SCTR: variants seen among roughly 807,000 people sequenced by gnomAD.
SCTR encodes the protein secretin receptor.
In SCTR, 56 loss-of-function variants were observed where a neutral mutation model predicts 60.8. That is an observed-to-expected ratio of 0.92 (90% CI 0.74 to 1.15). The LOEUF is 1.15. Among genes scored for constraint, SCTR ranks in the 50% most tolerant of loss-of-function variants. SCTR has a pLI of 0.00. For missense variants in SCTR, 562 were observed against 550.4 expected (o/e 1.02, Z -0.21); for synonymous variants, 202 against 217.0 (o/e 0.93, Z 0.61).
At position 119,450,040 on chromosome 2, in the gene SCTR, G is replaced by GAAGAAAGAAAA. The variant is rs1182986974; in HGVS notation, c.922-1271_922-1261dup. Among the ~76,000 whole-genome samples the GAAGAAAGAAAA allele has an allele frequency of 1.3e-3, 173 of 138,020 alleles. 1 individual carries two copies. The highest frequency in any genetic ancestry group is 2.0e-3 in the Non-Finnish European group (130 of 65,266). 90.5% of individuals were successfully genotyped at this position (138,020 alleles called of 152,430 possible). The stretch of plus-strand genomic sequence containing the variant: ...GGAAGGAAGGCAGGAAGGAAGGAAG[G>GAAGAAAGAAAA]AAGAAAGAAAAAAGAAAGAAAAAGA... On this transcript the variant is annotated intron_variant, in intron 9 of 12. Transcript: ENST00000019103.
intron 4 of SCTR, among the ~76,000 whole-genome samples, chr2:119,470,700 G>T (rs1466124436): frequency 1.3e-5 from 2 of 151,810 alleles, no homozygotes; most frequent in African/African-American, 2.4e-5. Flanking sequence ...TCATTGTGTG[G>T]ATGTTTTTTC....
intron 1 of SCTR, among the ~76,000 whole-genome samples, chr2:119,520,434 G>C (rs1393749350): frequency 1.3e-5 from 2 of 152,204 alleles, no homozygotes; most frequent in Non-Finnish European, 2.9e-5. Context: ...GGAAGTTCAA[G>C]GCTGCAGTGA....
At chr2:119,488,092 T>G (rs891856713) in intron 2 of SCTR, among the ~76,000 whole-genome samples, 1 of 152,254 alleles carries the variant, frequency 6.6e-6, no homozygotes, top group African/African-American at 2.4e-5. Context: ...GGGGCAGATC[T>G]GAAGACTTTT....
chr2:119,442,295 G>A (rs1048736501), intron 11 of SCTR, among the ~76,000 whole-genome samples: 2 of 152,212 alleles, frequency 1.3e-5, no homozygotes, highest in African/African-American at 2.4e-5. Flanking sequence ...CTCCAGGCTG[G>A]GGCGCCTGCT....
intron 2 of SCTR, 140 bp downstream of exon 2, chr2:119,494,288 C>A: frequency 1.1e-6 from 1 of 907,694 alleles, no homozygotes; most frequent in Middle Eastern, 3.5e-4. Flanking sequence ...CAGCCCTGCC[C>A]CACCAGCTGA....
chr2:119,512,088 A>G (rs1678964344), intron 1 of SCTR, among the ~76,000 whole-genome samples: 1 of 152,122 alleles, frequency 6.6e-6, no homozygotes, highest in Admixed American at 6.5e-5. Flanking sequence ...TATTGATTGG[A>G]TACTCAGTCA....
chr2:119,508,144 T>G (rs1678810981), intron 1 of SCTR, among the ~76,000 whole-genome samples: 1 of 152,186 alleles, frequency 6.6e-6, no homozygotes, highest in African/African-American at 2.4e-5. Flanking sequence ...AAAACACATG[T>G]GCAAATTCTG....
chr2:119,442,828 A>G (rs1480279869), intron 11 of SCTR, among the ~76,000 whole-genome samples: 1 of 152,168 alleles, frequency 6.6e-6, no homozygotes, highest in Non-Finnish European at 1.5e-5. Flanking sequence ...AACGGGCATC[A>G]TGGTCCGGGA....
At position 119,523,392 on chromosome 2, in the gene SCTR, CTATTATTATTAT is replaced by C. The variant is rs70947300; in HGVS notation, c.72+751_72+762del. ...GAAAAACAAACCACCCATCCTGCCG[CTATTATTATTAT>C]TATTATTATTATTATTATTATTATT... On this transcript the variant is annotated intron_variant, in intron 1 of 12. Transcript: ENST00000019103. Among the ~76,000 whole-genome samples the C allele has an allele frequency of 4.7e-3, 636 of 134,248 alleles. 3 individuals are homozygous for C. Among genetic ancestry groups the C allele is most frequent in the Admixed American group, 8.6e-3 (114 of 13,220 alleles). 88.1% of individuals were successfully genotyped at this position (134,248 alleles called of 152,430 possible). A position where few individuals can be genotyped will look rare whatever the true frequency, so the allele number is the denominator to read the frequency against.
intron 7 of SCTR, among the ~76,000 whole-genome samples, chr2:119,461,069 G>A (rs1170841447): frequency 2.0e-5 from 3 of 152,198 alleles, no homozygotes; most frequent in Non-Finnish European, 4.4e-5. Context: ...GTTACGAAAG[G>A]CAAAGTAGAG....
At chr2:119,523,338 C>A (rs1679343383) in intron 1 of SCTR, among the ~76,000 whole-genome samples, 1 of 151,484 alleles carries the variant, frequency 6.6e-6, no homozygotes, top group African/African-American at 2.4e-5. Context: ...TCAGAGAGGC[C>A]CGGGACTCCC....
chr2:119,468,959 A>T (rs1187697169), intron 4 of SCTR, among the ~76,000 whole-genome samples: 1 of 152,034 alleles, frequency 6.6e-6, no homozygotes, highest in Admixed American at 6.6e-5. Context: ...TCCAGAAAGG[A>T]GGTAGATTTT....
At chr2:119,476,669 C>T (rs1161196543) in intron 3 of SCTR, 2 of 152,320 alleles carry the variant, frequency 1.3e-5, no homozygotes, top group Non-Finnish European at 2.9e-5. Flanking sequence ...CCTATCCCCT[C>T]TGCAGGGCAG....
At chr2:119,504,156 T>A (rs553365445) in intron 1 of SCTR, among the ~76,000 whole-genome samples, 122 of 152,332 alleles carry the variant, frequency 8.0e-4, no homozygotes, top group Non-Finnish European at 1.4e-3. Flanking sequence ...AGGGATTCAA[T>A]GAAAGGATCA....
chr2:119,495,122 CA>C (rs1678296201), intron 1 of SCTR, among the ~76,000 whole-genome samples: 1 of 151,974 alleles, frequency 6.6e-6, no homozygotes, highest in Non-Finnish European at 1.5e-5. Context: ...TACACACACA[CA>C]CACACAAATG....
Position 119,489,920 on chromosome 2 carries a change from A to G in SCTR, c.193+4508T>C, listed in dbSNP as rs768166124. Among the ~76,000 whole-genome samples, 9 of 152,166 alleles carry G rather than the reference A, an allele frequency of 5.9e-5. No homozygotes were observed. In the South Asian group the frequency reaches 6.2e-4, roughly 11 times the overall value. ...CATCCCTTACTTCTCCGTGTAAACG[A>G]AAGTTCACCATCAGCCCCACCAGAG... On this transcript the variant is annotated intron_variant, in intron 2 of 12. Coordinates refer to ENST00000019103, the MANE Select transcript of SCTR (RefSeq NM_002980.3).
chr2:119,440,336 C>T, intron 12 of SCTR, 79 bp from the exon 13 acceptor site: 1 of 1,492,740 alleles, frequency 6.7e-7, no homozygotes, highest in Non-Finnish European at 9.1e-7. Flanking sequence ...CCCAGTGACT[C>T]CACGCAGGCC....
chr2:119,509,387 C>T (rs759113644), intron 1 of SCTR, among the ~76,000 whole-genome samples: 2 of 152,054 alleles, frequency 1.3e-5, no homozygotes, highest in Admixed American at 1.3e-4. Flanking sequence ...AACTCCAGGG[C>T]GGTATCAATG....
chr2:119,473,462 G>C lies in SCTR; in HGVS notation c.396C>G (p.Asn132Lys), dbSNP rs367960301. The C allele has an allele frequency of 8.7e-6, 14 of 1,611,810 alleles. No homozygotes were observed. In the South Asian group the frequency reaches 1.4e-4, roughly 16 times the overall value. The change falls in exon 4 of 13, where the codon AAC becomes AAG. Residue 132 changes from asparagine (N) to lysine (K), a missense_variant. Transcript: ENST00000019103. ...ACGVNVNDSS[N>K]EKRHSYLLKL... ...AGGTTGACAGGCTTACCCGCTTCTC[G>C]TTGGAAGAGTCGTTCACATTAACGC... is the stretch of plus-strand genomic sequence containing the variant.
Sources: gnomAD v4.1 joint callset for allele counts (sites outside exome capture counted in the v4.1 genomes callset) on GRCh38, gnomAD v4.1.1 for gene constraint, MANE v1.5 for transcripts, NCBI Gene and HGNC (gene_info 2026-07-23, HGNC 2026-07-21) for gene names.